Variants in ULK4 observed in about 807,000 individuals in gnomAD.
ULK4 encodes unc-51 like kinase 4.
ULK4 carries 133 observed loss-of-function variants against 160.6 expected under a neutral mutation model. That is an observed-to-expected ratio of 0.83 (90% CI 0.72 to 0.96). The LOEUF (loss-of-function observed/expected upper bound fraction) is 0.96. Ranked by LOEUF, ULK4 falls within the 40% of genes least tolerant of loss-of-function variation. The probability of loss-of-function intolerance (pLI) is 0.00; values close to 1 mark genes in which losing one functional copy is unlikely to be tolerated. For missense variants in ULK4, 1,580 were observed against 1,499.5 expected (o/e 1.05, Z -0.89); for synonymous variants, 534 against 539.8 (o/e 0.99, Z 0.15).
chr3:41,866,224 T>G (rs1366064034), intron 17 of ULK4, among the ~76,000 whole-genome samples: 1 of 152,188 alleles, frequency 6.6e-6, no homozygotes, highest in Non-Finnish European at 1.5e-5. Flanking sequence ...TCGTAAGACC[T>G]CCACTATGCT....
chr3:41,688,599 T>C (rs1212587020), intron 27 of ULK4, among the ~76,000 whole-genome samples: 1 of 151,584 alleles, frequency 6.6e-6, no homozygotes, highest in African/African-American at 2.4e-5. Flanking sequence ...TCAATTTCTT[T>C]AGAACAAAAC....
chr3:41,560,845 T>G (rs747211988), intron 32 of ULK4, among the ~76,000 whole-genome samples: 3 of 152,206 alleles, frequency 2.0e-5, no homozygotes, highest in Non-Finnish European at 2.9e-5. Flanking sequence ...CCTAATTAAA[T>G]ACCCTTTATT....
chr3:41,416,681 A>T (rs1343084041), intron 34 of ULK4, among the ~76,000 whole-genome samples: 1 of 152,176 alleles, frequency 6.6e-6, no homozygotes, highest in Non-Finnish European at 1.5e-5. Context: ...ATTAGGAAAC[A>T]CAGCCTGAGT....
rs867240943 is a variant in ULK4, at chr3:41,822,681, A to C, written c.1765-3175T>G. On this transcript the variant is annotated intron_variant, in intron 18 of 36. Transcript: ENST00000301831. ...TGATCCACCCGCCTCAGCCTCCCAA[A>C]GTGCTGGGATTACAAGCATAAGCCA... Among the ~76,000 whole-genome samples the C allele has an allele frequency of 4.7e-5, 7 of 147,930 alleles. No individual in the cohort carries two copies. In the Middle Eastern group the frequency reaches 0.011, roughly 233 times the overall value.
chr3:41,465,770 T>A (rs2083817008), intron 32 of ULK4, among the ~76,000 whole-genome samples: 1 of 152,194 alleles, frequency 6.6e-6, no homozygotes, highest in Non-Finnish European at 1.5e-5. Context: ...TCCTGTTGCA[T>A]CTTATCTGGA....
Position 41,506,767 on chromosome 3 carries a change from A to AAAAAAAAAAAAAAAAAAAATAT in ULK4, c.3227-43515_3227-43514insATATTTTTTTTTTTTTTTTTTT. ...AGCAATACACTGGAGTGTGATTTAA[A>AAAAAAAAAAAAAAAAAAAATAT]ATATATATATATATATATATATATA... is the stretch of plus-strand genomic sequence containing the variant. On this transcript the variant is annotated intron_variant, in intron 32 of 36. Transcript: ENST00000301831. Among the ~76,000 whole-genome samples the AAAAAAAAAAAAAAAAAAAATAT allele has an allele frequency of 2.3e-3, 130 of 56,782 alleles. 9 individuals carry two copies. Among genetic ancestry groups the AAAAAAAAAAAAAAAAAAAATAT allele is most frequent in the Non-Finnish European group, 3.1e-3 (99 of 31,972 alleles). The allele number at this position is 56,782 out of a possible 152,430, so 37.3% of individuals were successfully genotyped here.
rs151300134 is a variant in ULK4 at position 41,289,298 on chromosome 3, C to T, written c.3679-39724G>A. 3.3e-3 allele frequency among the ~76,000 whole-genome samples: 496 copies of T among 152,250 alleles called. 2 individuals are homozygous for T. Among genetic ancestry groups the T allele is most frequent in the Non-Finnish European group, 5.1e-3 (346 of 68,018 alleles). On this transcript the variant is annotated intron_variant, in intron 35 of 36. Transcript: ENST00000301831. ...AGCTATCACTTACTGAGTTTACTGGCTCAGGTGTTGGCAGGAGAGGACACA... is the reference window on the plus strand; with the variant it reads ...AGCTATCACTTACTGAGTTTACTGGTTCAGGTGTTGGCAGGAGAGGACACA...
At chr3:41,846,535 T>TACTG (rs1362764987) in intron 17 of ULK4, among the ~76,000 whole-genome samples, 1 of 152,144 alleles carries the variant, frequency 6.6e-6, no homozygotes, top group African/African-American at 2.4e-5. Context: ...CCAGGCGCAG[T>TACTG]GGCTCACACC....
chr3:41,451,955 A>C (rs981685399), intron 34 of ULK4, among the ~76,000 whole-genome samples: 3 of 152,190 alleles, frequency 2.0e-5, no homozygotes, highest in African/African-American at 7.2e-5. Flanking sequence ...AGAAGAATAC[A>C]TAAAGCATGC....
At chr3:41,324,104 G>C (rs35962862) in intron 35 of ULK4, among the ~76,000 whole-genome samples, 1 of 152,196 alleles carries the variant, frequency 6.6e-6, no homozygotes, top group South Asian at 2.1e-4. Flanking sequence ...TGGGGCCTTA[G>C]CATCAAGAAG....
chr3:41,395,895 A>G (rs1401037317), intron 35 of ULK4, among the ~76,000 whole-genome samples: 1 of 152,180 alleles, frequency 6.6e-6, no homozygotes, highest in Non-Finnish European at 1.5e-5. Context: ...TTCCACAAAC[A>G]AAATCTACCC....
intron 33 of ULK4, among the ~76,000 whole-genome samples, chr3:41,462,566 A>G (rs1039904920): frequency 6.6e-6 from 1 of 152,204 alleles, no homozygotes; most frequent in Non-Finnish European, 1.5e-5. Flanking sequence ...GCCACTGAAT[A>G]CACCTCTATT....
chr3:41,774,529 T>C (rs1408638172), intron 21 of ULK4, among the ~76,000 whole-genome samples: 3 of 148,838 alleles, frequency 2.0e-5, no homozygotes, highest in Non-Finnish European at 4.4e-5. Flanking sequence ...TGAGATACCA[T>C]CTCACACCAG....
intron 30 of ULK4, among the ~76,000 whole-genome samples, chr3:41,630,890 T>C (rs2033712857): frequency 6.6e-6 from 1 of 152,156 alleles, no homozygotes; most frequent in East Asian, 1.9e-4. Flanking sequence ...GGTTTAGATT[T>C]CATATTTGCT....
At chr3:41,676,643 G>A (rs1009270438) in intron 29 of ULK4, among the ~76,000 whole-genome samples, 6 of 152,048 alleles carry the variant, frequency 3.9e-5, no homozygotes, top group African/African-American at 1.4e-4. Flanking sequence ...AGTAAGCTCT[G>A]TAAAAAGGCA....
Position 41,678,659 on chromosome 3 carries a change from T to C in ULK4, c.2978+2849A>G, listed in dbSNP as rs138530739. 1.9e-3 allele frequency among the ~76,000 whole-genome samples: 283 copies of C among 152,338 alleles called. 1 individual carries two copies. Among genetic ancestry groups the C allele is most frequent in the African/African-American group, 6.6e-3 (276 of 41,568 alleles). Reference sequence around the variant, plus strand: ...ATAAGTTAATTTGAATTGGGTGCTATTGTTTGCAAATAAAGTCTTGACTAA... The same window carrying C: ...ATAAGTTAATTTGAATTGGGTGCTACTGTTTGCAAATAAAGTCTTGACTAA... On this transcript the variant is annotated intron_variant, in intron 29 of 36. Coordinates refer to ENST00000301831, the MANE Select transcript of ULK4 (RefSeq NM_017886.4).
chr3:41,334,565 A>G (rs1281975114), intron 35 of ULK4, among the ~76,000 whole-genome samples: 1 of 152,172 alleles, frequency 6.6e-6, no homozygotes, highest in African/African-American at 2.4e-5. Flanking sequence ...ACAGGAAGCG[A>G]CACTCTGGTG....
chr3:41,621,417 A>G (rs2125691087), intron 30 of ULK4, among the ~76,000 whole-genome samples: 1 of 152,324 alleles, frequency 6.6e-6, no homozygotes, highest in South Asian at 2.1e-4. Flanking sequence ...CAAAACAGAT[A>G]TATAAACCAA....
chr3:41,381,221 T>C (rs757390341), intron 35 of ULK4, among the ~76,000 whole-genome samples: 2 of 152,188 alleles, frequency 1.3e-5, no homozygotes, highest in Non-Finnish European at 2.9e-5. Context: ...CTCATTTCTT[T>C]GGCTTTCCCT....
Sources: gnomAD v4.1 joint callset for allele counts (sites outside exome capture counted in the v4.1 genomes callset) on GRCh38, gnomAD v4.1.1 for gene constraint, MANE v1.5 for transcripts, NCBI Gene and HGNC (gene_info 2026-07-23, HGNC 2026-07-21) for gene names.